The following AHCY variants were observed in gnomAD, a reference collection of about 807,000 sequenced individuals.
AHCY encodes S-adenosyl-L-homocysteine hydrolase.
A neutral mutation model predicts 45.4 loss-of-function variants in AHCY; 24 were observed. That is an observed-to-expected ratio of 0.53 (90% CI 0.38 to 0.74). AHCY has a LOEUF of 0.74. Among genes scored for constraint, AHCY ranks in the 30% least tolerant of loss-of-function variants. AHCY has a pLI of 0.00. For synonymous variants in AHCY, 245 were observed against 235.1 expected (o/e 1.04, Z -0.39); for missense variants, 449 against 594.1 (o/e 0.76, Z 2.54).
chr20:34,253,167 GCTCA>G, the AHCY span, among the ~76,000 whole-genome samples: 1 of 151,264 alleles, frequency 6.6e-6, no homozygotes, highest in African/African-American at 2.4e-5. Context: ...GAGTGCAGTG[GCTCA>G]CTCAGCTCAC....
intron 1 of AHCY, among the ~76,000 whole-genome samples, chr20:34,298,620 T>C (rs867149089): frequency 1.3e-5 from 1 of 77,052 alleles, no homozygotes; most frequent in Admixed American, 1.7e-4. Flanking sequence ...GGGGGGGGGG[T>C]GTCTCCCTTT....
chr20:34,302,189 T>C (rs763686103), intron 1 of AHCY, among the ~76,000 whole-genome samples: 2 of 152,130 alleles, frequency 1.3e-5, no homozygotes, highest in South Asian at 2.1e-4. Flanking sequence ...TTGGTAGAGA[T>C]AGCGTTTCAC....
chr20:34,303,257 A>C lies in AHCY; in HGVS notation c.14T>G (p.Leu5Arg). MSDK[L>R]PYKVADIGLA... ...CTGGGACTCACCGACTTTGTAGGGC[A>C]GTTTGTCAGACATGCTGGCGGCACT... Residue 5 changes from leucine to arginine, a missense_variant, in exon 1 of 10, where the codon CTG (leucine) becomes CGG (arginine). Transcript: ENST00000217426. 1.3e-6 allele frequency: 2 copies of C among 1,551,706 alleles called. No homozygotes were observed. The highest frequency in any genetic ancestry group is 1.2e-5 in the South Asian group (1 of 84,064).
chr20:34,310,691 AT>A (rs962907485), intron 1 of AHCY, among the ~76,000 whole-genome samples: 2 of 152,184 alleles, frequency 1.3e-5, no homozygotes, highest in Non-Finnish European at 2.9e-5. Flanking sequence ...GCAGATAGCC[AT>A]TTTTTTGTTT....
the AHCY span, among the ~76,000 whole-genome samples, chr20:34,258,674 C>CATATATATATATATATAATATAT: frequency 1.6e-4 from 2 of 12,154 alleles, 1 homozygote; most frequent in Non-Finnish European, 2.4e-4. Flanking sequence ...AGGGGGATGC[C>CATATATATATATATATAATATAT]ATATATATAT....
chr20:34,282,733 C>G (rs1015864181), intron 9 of AHCY, among the ~76,000 whole-genome samples: 8 of 152,156 alleles, frequency 5.3e-5, no homozygotes, highest in African/African-American at 1.4e-4. Context: ...TCAAGCATCC[C>G]AGCTTATGGC....
chr20:34,240,229 A>G, the AHCY span, among the ~76,000 whole-genome samples: 2 of 152,186 alleles, frequency 1.3e-5, no homozygotes, highest in Non-Finnish European at 2.9e-5. Flanking sequence ...AACTATTCTT[A>G]AAGTCATGTT....
upstream of AHCY, among the ~76,000 whole-genome samples, chr20:34,306,079 C>CA (rs56039506): frequency 2.9e-3 from 299 of 103,076 alleles, 2 homozygotes; most frequent in East Asian, 0.036. Context: ...AAGACTGCCT[C>CA]AAAAAAAAAA....
the AHCY span, among the ~76,000 whole-genome samples, chr20:34,270,520 G>A: frequency 6.6e-6 from 1 of 152,316 alleles, no homozygotes; most frequent in African/African-American, 2.4e-5. Flanking sequence ...TGTTCACCAA[G>A]CAGGCACCAT....
chr20:34,298,142 A>C (rs2036632934), intron 1 of AHCY, among the ~76,000 whole-genome samples: 1 of 152,100 alleles, frequency 6.6e-6, no homozygotes, highest in African/African-American at 2.4e-5. Context: ...CGGTCTCAAA[A>C]AAATAAAATA....
the AHCY span, among the ~76,000 whole-genome samples, chr20:34,248,962 A>C: frequency 7.4e-6 from 1 of 135,378 alleles, no homozygotes; most frequent in Non-Finnish European, 1.6e-5. Context: ...TACCAAAAAT[A>C]CAAAAAAAAA....
chr20:34,293,466 G>GA (rs368282898), intron 3 of AHCY: 1,091 of 147,554 alleles, frequency 7.4e-3, no homozygotes, highest in South Asian at 0.024. Context: ...GTCTCAAAAA[G>GA]AAAAAAAAAA....
At chr20:34,305,706 C>G (rs1464950769), upstream of AHCY, among the ~76,000 whole-genome samples, 1 of 152,174 alleles carries the variant, frequency 6.6e-6, no homozygotes, top group African/African-American at 2.4e-5. Flanking sequence ...AGGTCTCTTT[C>G]TGGTATGAAT....
chr20:34,287,956 C>T (rs780625348), intron 8 of AHCY, among the ~76,000 whole-genome samples: 2 of 152,182 alleles, frequency 1.3e-5, no homozygotes, highest in African/African-American at 4.8e-5. Context: ...CAGAAAGGTG[C>T]CCATCACCCC....
chr20:34,294,187 T>C (rs2036497450), intron 2 of AHCY, 31 bp from the exon 3 acceptor site: 1 of 1,604,034 alleles, frequency 6.2e-7, no homozygotes, highest in African/African-American at 1.3e-5. Flanking sequence ...AGGCTGTTGG[T>C]CACTGATGGC....
chr20:34,254,371 T>C, the AHCY span, among the ~76,000 whole-genome samples: 2 of 152,212 alleles, frequency 1.3e-5, no homozygotes, highest in African/African-American at 4.8e-5. Flanking sequence ...CCTAGCATTA[T>C]TGTCCTGTAT....
At chr20:34,246,296 C>A in the AHCY span, 2 of 1,551,270 alleles carry the variant, frequency 1.3e-6, no homozygotes, top group African/African-American at 1.4e-5. Flanking sequence ...TGTTCCTTGA[C>A]CCTCACTAAT....
chr20:34,267,015 G>T, the AHCY span, among the ~76,000 whole-genome samples: 1 of 152,318 alleles, frequency 6.6e-6, no homozygotes, highest in African/African-American at 2.4e-5. Flanking sequence ...GATCTTGAAA[G>T]TCCCTGCTCT....
the AHCY span, chr20:34,260,324 C>T: frequency 6.3e-7 from 1 of 1,585,220 alleles, no homozygotes. Context: ...TTACCATTAC[C>T]CCTGACCCAC....
Sources: allele counts gnomAD v4.1 joint callset (sites outside exome capture counted in the v4.1 genomes callset), GRCh38; gene constraint gnomAD v4.1.1; transcripts MANE v1.5; gene names NCBI Gene and HGNC (gene_info 2026-07-23, HGNC 2026-07-21).